RABGAP1L: variants seen among roughly 807,000 people sequenced by gnomAD.
RABGAP1L encodes the protein rab GTPase-activating protein 1-like.
In RABGAP1L, 63 loss-of-function variants were observed where a neutral mutation model predicts 137.7. The ratio of observed to expected loss-of-function variants is 0.46; its 90% CI spans 0.37 to 0.56. The LOEUF (loss-of-function observed/expected upper bound fraction) is 0.56. RABGAP1L is among the 20% of genes least tolerant of loss of function. The pLI is 0.00. For synonymous variants in RABGAP1L, 431 were observed against 433.7 expected, an observed-to-expected ratio of 0.99 and a Z score of 0.08; for missense variants, 1,095 against 1,244.0, an observed-to-expected ratio of 0.88 and a Z score of 1.80.
rs1332472814 is a variant in RABGAP1L, at chr1:174,602,860, G to T, written c.1711-34515G>T. On this transcript the variant is annotated intron_variant, in intron 13 of 25. Transcript: ENST00000681986. ...CTGAATTCTTTTTCTGTGTTGTCTT[G>T]AAGTTTGTTGTGCTTCTTCAAAATA... Among the ~76,000 whole-genome samples, 5 of 152,142 alleles carry T rather than the reference G, an allele frequency of 3.3e-5. No homozygotes were observed. The East Asian group carries it at 9.7e-4, about 29-fold the overall frequency.
Position 174,533,929 on chromosome 1 carries a change from C to T in RABGAP1L, c.1711-103446C>T, listed in dbSNP as rs1022916444. ...TCAGGTGATCCACTCGCCTCGGCCT[C>T]CCAAAGTGCTGGGATTACAGGCATG... On this transcript the variant is annotated intron_variant, in intron 13 of 25. Coordinates refer to ENST00000681986, the MANE Select transcript of RABGAP1L (RefSeq NM_001366446.1). Among the ~76,000 whole-genome samples, 4 of 152,018 alleles carry T rather than the reference C, an allele frequency of 2.6e-5. No homozygotes were observed. The East Asian group carries it at 7.7e-4, about 29-fold the overall frequency.
intron 13 of RABGAP1L, among the ~76,000 whole-genome samples, chr1:174,454,205 G>T (rs1279814782): frequency 2.6e-5 from 4 of 152,116 alleles, no homozygotes; most frequent in Non-Finnish European, 5.9e-5. Flanking sequence ...GGAGGTTGCA[G>T]TGAGCCGAGA....
intron 13 of RABGAP1L, among the ~76,000 whole-genome samples, chr1:174,561,824 C>G (rs1199751056): frequency 6.6e-6 from 1 of 152,118 alleles, no homozygotes; most frequent in African/African-American, 2.4e-5. Flanking sequence ...GAAACTGAAC[C>G]CCTTCCTTAC....
chr1:174,433,325 C>A (rs1652857865), intron 13 of RABGAP1L, among the ~76,000 whole-genome samples: 1 of 152,142 alleles, frequency 6.6e-6, no homozygotes, highest in South Asian at 2.1e-4. Flanking sequence ...GAAGAAAGGT[C>A]ATACTGTGTA....
chr1:174,811,121 T>C (rs1386392715), intron 18 of RABGAP1L, among the ~76,000 whole-genome samples: 1 of 152,132 alleles, frequency 6.6e-6, no homozygotes, highest in Non-Finnish European at 1.5e-5. Context: ...ATAAGTGGTA[T>C]AACCCATGAT....
At chr1:174,582,898 A>G (rs1387724357) in intron 13 of RABGAP1L, among the ~76,000 whole-genome samples, 1 of 152,194 alleles carries the variant, frequency 6.6e-6, no homozygotes, top group Admixed American at 6.5e-5. Context: ...TTAATAATTC[A>G]GGTTGGTTTT....
chr1:174,245,036 T>C (rs61828587), intron 5 of RABGAP1L: 13,661 of 152,280 alleles, frequency 0.09, 829 homozygotes, highest in East Asian at 0.22. Flanking sequence ...GTTGCAGATA[T>C]GACACTGTAT....
At chr1:174,548,050 T>A (rs947338912) in intron 13 of RABGAP1L, 13 of 1,550,470 alleles carry the variant, frequency 8.4e-6, no homozygotes, top group Non-Finnish European at 1.1e-5. Flanking sequence ...GCTTAATGCC[T>A]GTTAAATGCG....
intron 11 of RABGAP1L, among the ~76,000 whole-genome samples, chr1:174,340,083 T>C (rs976859747): frequency 6.6e-6 from 1 of 152,196 alleles, no homozygotes; most frequent in African/African-American, 2.4e-5. Context: ...TTTTTTCTTT[T>C]GGTGTTTGCA....
Position 174,225,706 on chromosome 1 carries a change from A to G in RABGAP1L, c.331+4542A>G, listed in dbSNP as rs145454973. Among the ~76,000 whole-genome samples, 595 of 152,174 alleles carry G rather than the reference A, an allele frequency of 3.9e-3. 4 individuals carry two copies. The highest frequency in any genetic ancestry group is 0.012 in the African/African-American group (514 of 41,532). ...GCTCTCTCCTCTCTGAGATTTCCCC[A>G]CACTCTCTGGCTTCCTTGGGCCATT... On this transcript the variant is annotated intron_variant, in intron 3 of 25. Coordinates refer to ENST00000681986, the MANE Select transcript of RABGAP1L (RefSeq NM_001366446.1).
intron 19 of RABGAP1L, among the ~76,000 whole-genome samples, chr1:174,946,196 G>C (rs1374951931): frequency 6.6e-6 from 1 of 152,122 alleles, no homozygotes; most frequent in Non-Finnish European, 1.5e-5. Context: ...TCCTTGAGCT[G>C]ATTAGCTCAG....
chr1:174,607,518 A>C (rs1382615969), intron 13 of RABGAP1L, among the ~76,000 whole-genome samples: 1 of 152,178 alleles, frequency 6.6e-6, no homozygotes, highest in African/African-American at 2.4e-5. Context: ...GCTGATACCC[A>C]GGATCACAAT....
chr1:174,824,062 G>A, intron 19 of RABGAP1L, among the ~76,000 whole-genome samples: 1 of 152,072 alleles, frequency 6.6e-6, no homozygotes, highest in African/African-American at 2.4e-5. Flanking sequence ...AGCCAAGGTG[G>A]GTGGATCACC....
intron 13 of RABGAP1L, among the ~76,000 whole-genome samples, chr1:174,410,694 T>C (rs982403792): frequency 6.6e-6 from 1 of 152,232 alleles, no homozygotes; most frequent in Non-Finnish European, 1.5e-5. Flanking sequence ...GCTTTGTTCT[T>C]TTTGCTTAGA....
At chr1:174,437,099 T>TA (rs1012044944) in intron 13 of RABGAP1L, among the ~76,000 whole-genome samples, 1 of 152,040 alleles carries the variant, frequency 6.6e-6, no homozygotes, top group South Asian at 2.1e-4. Flanking sequence ...CAAAGGTAGA[T>TA]AAAACCACAA....
chr1:174,982,691 C>G, intron 23 of RABGAP1L, 143 bp from the exon 24 acceptor site: 1 of 738,122 alleles, frequency 1.4e-6, no homozygotes, highest in Non-Finnish European at 2.2e-6. Context: ...TCCGAAATGA[C>G]TGGCATTTGC....
At chr1:174,524,125 CTTCTT>C (rs1026039169) in intron 13 of RABGAP1L, among the ~76,000 whole-genome samples, 30 of 152,094 alleles carry the variant, frequency 2.0e-4, no homozygotes, top group African/African-American at 6.5e-4. Context: ...GATATACTGA[CTTCTT>C]TTCCTTTGGA....
intron 10 of RABGAP1L, among the ~76,000 whole-genome samples, chr1:174,287,038 A>G (rs1676121480): frequency 6.6e-6 from 1 of 152,014 alleles, no homozygotes; most frequent in African/African-American, 2.4e-5. Flanking sequence ...TTATATGTCT[A>G]TTAGGTCCAT....
At chr1:174,635,245 G>T (rs958971559) in intron 13 of RABGAP1L, among the ~76,000 whole-genome samples, 13 of 151,942 alleles carry the variant, frequency 8.6e-5, no homozygotes, top group African/African-American at 2.7e-4. Flanking sequence ...CTCTCTTAAT[G>T]TCCTGAAAAG....
Sources: allele counts gnomAD v4.1 joint callset (sites outside exome capture counted in the v4.1 genomes callset), GRCh38; gene constraint gnomAD v4.1.1; transcripts MANE v1.5; gene names NCBI Gene and HGNC (gene_info 2026-07-23, HGNC 2026-07-21).